The following IQCB1 variants were observed in gnomAD, a reference collection of about 807,000 sequenced individuals.
The protein encoded by IQCB1 is IQ calmodulin-binding motif-containing protein 1.
Under a neutral mutation model 84.4 loss-of-function variants are expected in IQCB1, and 56 were observed. That is an observed-to-expected ratio of 0.66 (90% CI 0.54 to 0.83). IQCB1 has a LOEUF of 0.83. Among genes scored for constraint, IQCB1 ranks in the 40% least tolerant of loss-of-function variants. The pLI is 0.00. For missense variants in IQCB1, 629 were observed against 682.1 expected (o/e 0.92, Z 0.87); for synonymous variants, 210 against 234.8 (o/e 0.89, Z 0.96).
intron 5 of IQCB1, among the ~76,000 whole-genome samples, chr3:121,819,812 T>C (rs1056590369): frequency 6.6e-6 from 1 of 152,142 alleles, no homozygotes; most frequent in Non-Finnish European, 1.5e-5. Context: ...CTAGTAGCAA[T>C]GTTTTTAAAG....
chr3:121,791,640 T>G (rs1003029795), intron 10 of IQCB1, among the ~76,000 whole-genome samples: 2 of 152,172 alleles, frequency 1.3e-5, no homozygotes, highest in African/African-American at 2.4e-5. Flanking sequence ...TCCCAAAGAA[T>G]AGCTGATAGC....
chr3:121,807,480 A>G, intron 6 of IQCB1, 37 bp from the exon 7 acceptor site: 1 of 1,020,816 alleles, frequency 9.8e-7, no homozygotes, highest in Admixed American at 1.7e-5. Context: ...ATTAAAGTAA[A>G]GATTTTATGA....
At position 121,778,196 on chromosome 3, in the gene IQCB1, A is replaced by G. The variant is rs185317992; in HGVS notation, c.1410+3547T>C. Among the ~76,000 whole-genome samples the G allele has an allele frequency of 5.3e-5, 8 of 152,262 alleles. No individual in the cohort carries two copies. The East Asian group carries it at 1.5e-3, about 29-fold the overall frequency. The stretch of plus-strand genomic sequence containing the variant: ...AGTGCTAAGATTACAGGCATGAGCC[A>G]CAGCATCTGGCTTTGCCCACTTTTT... On this transcript the variant is annotated intron_variant, in intron 13 of 14. Transcript: ENST00000310864.
chr3:121,814,761 G>A (rs1390776364), intron 5 of IQCB1, among the ~76,000 whole-genome samples: 1 of 152,200 alleles, frequency 6.6e-6, no homozygotes, highest in African/African-American at 2.4e-5. Context: ...AATTGAGGCA[G>A]TAATTAATGG....
chr3:121,796,627 G>A (rs1365009927), intron 9 of IQCB1, among the ~76,000 whole-genome samples: 5 of 152,010 alleles, frequency 3.3e-5, no homozygotes, highest in Non-Finnish European at 7.4e-5. Flanking sequence ...GGTAGCCATA[G>A]GTAACCATAA....
chr3:121,790,745 G>A (rs1948932700), intron 10 of IQCB1, among the ~76,000 whole-genome samples: 2 of 151,612 alleles, frequency 1.3e-5, no homozygotes. Flanking sequence ...ATAGAAGAAT[G>A]ACATCAAAAT....
intron 12 of IQCB1, among the ~76,000 whole-genome samples, chr3:121,787,401 C>T (rs2108540798): frequency 6.6e-6 from 1 of 152,290 alleles, no homozygotes; most frequent in South Asian, 2.1e-4. Context: ...TCGTACTATG[C>T]TTTTCCAAGG....
Position 121,826,163 on chromosome 3 carries a change from A to G in IQCB1, c.281T>C (p.Leu94Ser). ...TQILSHCCVG[L>S]EPGEDAEEFY... ...TTCCTCTGCATCTTCTCCTGGCTCCAAGCCCACACAGCAATGGCTGAAATA... is the reference window on the plus strand; with the variant it reads ...TTCCTCTGCATCTTCTCCTGGCTCCGAGCCCACACAGCAATGGCTGAAATA... Residue 94 changes from leucine (L) to serine (S), a missense_variant, in exon 5 of 15, where the codon TTG becomes TCG. Transcript: ENST00000310864. The G allele has an allele frequency of 6.2e-7, 1 of 1,613,910 alleles. No homozygotes were observed. The highest frequency in any genetic ancestry group is 8.5e-7 in the Non-Finnish European group (1 of 1,179,814).
intron 13 of IQCB1, among the ~76,000 whole-genome samples, chr3:121,781,376 A>C (rs1948485818): frequency 6.6e-6 from 1 of 152,204 alleles, no homozygotes; most frequent in East Asian, 1.9e-4. Context: ...TTAGTAGTCC[A>C]ACAAATGTAA....
chr3:121,787,189 T>TAAA (rs11385480), intron 12 of IQCB1, among the ~76,000 whole-genome samples: 5 of 148,276 alleles, frequency 3.4e-5, no homozygotes, highest in Admixed American at 6.7e-5. Context: ...TTTGGATGAT[T>TAAA]AAAAAAAAAA....
chr3:121,792,661 C>CAAAAA, intron 10 of IQCB1, among the ~76,000 whole-genome samples: 1 of 76,188 alleles, frequency 1.3e-5, no homozygotes, highest in South Asian at 4.8e-4. Flanking sequence ...GACTCCGTCT[C>CAAAAA]AAAAAAAAAA....
At chr3:121,812,292 T>C (rs1046798329) in intron 5 of IQCB1, among the ~76,000 whole-genome samples, 4 of 151,986 alleles carry the variant, frequency 2.6e-5, no homozygotes, top group Non-Finnish European at 5.9e-5. Context: ...AGATCAAAGG[T>C]AGACAAATCC....
At position 121,775,133 on chromosome 3, in the gene IQCB1, G is replaced by C. The variant is rs1329832644; in HGVS notation, c.1411-2420C>G. 2.6e-5 allele frequency among the ~76,000 whole-genome samples: 4 copies of C among 152,162 alleles called. No homozygotes were observed. In the East Asian group the frequency reaches 7.7e-4, roughly 29 times the overall value. On this transcript the variant is annotated intron_variant, in intron 13 of 14. Coordinates refer to ENST00000310864, the MANE Select transcript of IQCB1 (RefSeq NM_001023570.4). Reference sequence around the variant, plus strand: ...TTGGAGAGGAGGCATGCTTCTGTCTGTCTTCATTCTACCTCTGCTCACAGG... The same window carrying C: ...TTGGAGAGGAGGCATGCTTCTGTCTCTCTTCATTCTACCTCTGCTCACAGG...
rs1420940669 is a variant in IQCB1 at position 121,786,269 on chromosome 3, A to C, written c.1278+2015T>G. Among the ~76,000 whole-genome samples the C allele has an allele frequency of 4.6e-5, 7 of 150,702 alleles. No homozygotes were observed. In the East Asian group the frequency reaches 1.4e-3, roughly 29 times the overall value. ...CCTTTATTGACTATTGCCTTGTTTT[A>C]ATTTTCTCTATTTTTCTATTTATTT... is the stretch of plus-strand genomic sequence containing the variant. On this transcript the variant is annotated intron_variant, in intron 12 of 14. Coordinates refer to ENST00000310864, the MANE Select transcript of IQCB1 (RefSeq NM_001023570.4).
chr3:121,810,683 T>A (rs1221806788), intron 5 of IQCB1, among the ~76,000 whole-genome samples: 1 of 152,098 alleles, frequency 6.6e-6, no homozygotes, highest in Admixed American at 6.5e-5. Context: ...AAAGCTTACA[T>A]AATGGTCTGA....
chr3:121,783,638 CA>C (rs1948593486), intron 12 of IQCB1, among the ~76,000 whole-genome samples: 2 of 152,168 alleles, frequency 1.3e-5, no homozygotes, highest in Admixed American at 1.3e-4. Context: ...GCCATTCTAT[CA>C]AATTCATTTT....
At chr3:121,813,289 T>C (rs1401186271) in intron 5 of IQCB1, among the ~76,000 whole-genome samples, 1 of 152,016 alleles carries the variant, frequency 6.6e-6, no homozygotes, top group African/African-American at 2.4e-5. Context: ...ATATGGAAAT[T>C]AAAAACTGGT....
At position 121,826,172 on chromosome 3, in the gene IQCB1, C is replaced by A; in HGVS notation, c.272G>T (p.Cys91Phe). Reference protein sequence around the residue: ...SQLTQILSHCCVGLEPGEDAE... With the variant: ...SQLTQILSHCFVGLEPGEDAE... The stretch of plus-strand genomic sequence containing the variant: ...ATCTTCTCCTGGCTCCAAGCCCACA[C>A]AGCAATGGCTGAAATAAGAGCACAA... The change falls in exon 5 of 15, where the codon TGT (cysteine) becomes TTT (phenylalanine). Residue 91 changes from cysteine (C) to phenylalanine (F), a missense_variant. By Grantham distance (205) the Cys-to-Phe change is radical. Coordinates refer to ENST00000310864, the MANE Select transcript of IQCB1 (RefSeq NM_001023570.4). The A allele has an allele frequency of 6.2e-7, 1 of 1,613,856 alleles. No homozygotes were observed. Among genetic ancestry groups the A allele is most frequent in the Non-Finnish European group, 8.5e-7 (1 of 1,179,818 alleles).
In IQCB1 at chr3:121,781,772, G is replaced by T; in HGVS notation, c.1381C>A (p.Arg461=). Residue 461 remains arginine, a synonymous_variant, in exon 13 of 15, where the codon CGA becomes AGA. Coordinates refer to ENST00000310864, the MANE Select transcript of IQCB1 (RefSeq NM_001023570.4). The part of the protein sequence containing the change: ...TDARRVELKK[R]VDDYVRRHLG... Reference sequence around the variant, plus strand: ...TGTCTTCTGACATAGTCATCCACTCGTTTCTTCAGTTCAACTCGGCGTGCA... The same window carrying T: ...TGTCTTCTGACATAGTCATCCACTCTTTTCTTCAGTTCAACTCGGCGTGCA... The T allele has an allele frequency of 6.2e-7, 1 of 1,613,482 alleles. No homozygotes were observed. The highest frequency in any genetic ancestry group is 1.1e-5 in the South Asian group (1 of 91,052).
Sources: allele counts gnomAD v4.1 joint callset (sites outside exome capture counted in the v4.1 genomes callset), GRCh38; gene constraint gnomAD v4.1.1; transcripts MANE v1.5; gene names NCBI Gene and HGNC (gene_info 2026-07-23, HGNC 2026-07-21).